The following PXMP4 variants were observed in gnomAD, a reference collection of about 807,000 sequenced individuals.
PXMP4 encodes the protein peroxisomal membrane protein 4.
Under a neutral mutation model 21.6 loss-of-function variants are expected in PXMP4, and 16 were observed. The ratio of observed to expected loss-of-function variants is 0.74; its 90% CI spans 0.50 to 1.13. The LOEUF is 1.13. PXMP4 is among the 50% of genes most tolerant of loss of function. PXMP4 has a pLI of 0.00. For missense variants in PXMP4, 240 were observed against 277.7 expected (o/e 0.86, Z 0.96); for synonymous variants, 127 against 123.8 (o/e 1.03, Z -0.17).
rs2018250484 is a variant in PXMP4, at chr20:33,705,680, C to T, written c.*2026G>A. 6.6e-6 allele frequency: 1 copy of T among 152,098 alleles called. No homozygotes were observed. Among genetic ancestry groups the T allele is most frequent in the African/African-American group, 2.4e-5 (1 of 41,418 alleles). The allele number at this position is 152,098 out of a possible 1,614,324, so 9.4% of individuals were successfully genotyped here. On this transcript the variant is annotated 3_prime_UTR_variant, in exon 4 of 4. Transcript: ENST00000409299. Reference sequence around the variant, plus strand: ...CCTATGTCCCCATCACTCCTCATCGCATAGCACTATGTCATTGTAGGCCCC... The same window carrying T: ...CCTATGTCCCCATCACTCCTCATCGTATAGCACTATGTCATTGTAGGCCCC...
chr20:33,715,834 C>CCAG (rs2018378135), intron 1 of PXMP4, among the ~76,000 whole-genome samples: 1 of 149,552 alleles, frequency 6.7e-6, no homozygotes, highest in Admixed American at 6.8e-5. Context: ...CTCACTGCAG[C>CCAG]CAGTCTCTTT....
rs558147413 is a variant in PXMP4 at position 33,706,118 on chromosome 20, G to T, written c.*1588C>A. 5.3e-5 allele frequency: 8 copies of T among 151,684 alleles called. No homozygotes were observed. The highest frequency in any genetic ancestry group is 2.0e-4 in the Admixed American group (3 of 15,238). The allele number at this position is 151,684 out of a possible 1,614,324, so 9.4% of individuals were successfully genotyped here. ...TTTTTGTATTTTTAGTAGAGATGGG[G>T]TTTTACCATGTTGGCCAGGCTGGTC... On this transcript the variant is annotated 3_prime_UTR_variant, in exon 4 of 4. Coordinates refer to ENST00000409299, the MANE Select transcript of PXMP4 (RefSeq NM_007238.5).
chr20:33,716,887 G>A (rs1024373813), intron 1 of PXMP4, among the ~76,000 whole-genome samples: 2 of 152,126 alleles, frequency 1.3e-5, no homozygotes, highest in African/African-American at 4.8e-5. Flanking sequence ...ATACAAAGAA[G>A]GACCTCAACT....
rs746707723 is a variant in PXMP4, at chr20:33,707,754, G to T, written c.591C>A (p.His197Gln). Residue 197 changes from histidine to glutamine, a missense_variant, in exon 4 of 4, where the codon CAC becomes CAA. Physicochemically the swap from His to Gln is conservative, Grantham distance 24 (BLOSUM62 0). Coordinates refer to ENST00000409299, the MANE Select transcript of PXMP4 (RefSeq NM_007238.5). Reference sequence around the variant, plus strand: ...TATAGACGAGGAAGTCTGAGATGTCGTGCCATACATTGCTGTCCTCATAGA... The same window carrying T: ...TATAGACGAGGAAGTCTGAGATGTCTTGCCATACATTGCTGTCCTCATAGA... ...TYLYEDSNVW[H>Q]DISDFLVYNK... 2.5e-6 allele frequency: 4 copies of T among 1,614,106 alleles called. No homozygotes were observed. The highest frequency in any genetic ancestry group is 3.4e-6 in the Non-Finnish European group (4 of 1,180,016).
chr20:33,719,857 G>A (rs1483419764), intron 1 of PXMP4, among the ~76,000 whole-genome samples: 2 of 152,332 alleles, frequency 1.3e-5, no homozygotes, highest in East Asian at 1.9e-4. Flanking sequence ...AAGCAAGAGG[G>A]CCAGGCTGCA....
Position 33,707,547 on chromosome 20 carries a change from C to T in PXMP4, c.*159G>A. On this transcript the variant is annotated 3_prime_UTR_variant, in exon 4 of 4. Coordinates refer to ENST00000409299, the MANE Select transcript of PXMP4 (RefSeq NM_007238.5). ...CACTTGTGCCACCATACAAAGGTACCCACTGGGATTTTAAAATCAGTGTTT... is the reference window on the plus strand; with the variant it reads ...CACTTGTGCCACCATACAAAGGTACTCACTGGGATTTTAAAATCAGTGTTT... 2 of 1,060,912 alleles carry T rather than the reference C, an allele frequency of 1.9e-6. No homozygotes were observed. The highest frequency in any genetic ancestry group is 5.6e-5 in the Admixed American group (2 of 35,542). 65.7% of individuals were successfully genotyped at this position (1,060,912 alleles called of 1,614,324 possible).
chr20:33,712,280 G>T (rs1329956181), intron 2 of PXMP4, among the ~76,000 whole-genome samples: 1 of 152,176 alleles, frequency 6.6e-6, no homozygotes, highest in Non-Finnish European at 1.5e-5. Context: ...CCTTCAAAAT[G>T]TGTCTAGAGA....
chr20:33,713,434 A>C (rs1173552728), intron 2 of PXMP4, among the ~76,000 whole-genome samples: 1 of 152,184 alleles, frequency 6.6e-6, no homozygotes, highest in Non-Finnish European at 1.5e-5. Flanking sequence ...TTAATTCTGC[A>C]ACCTGTCCCC....
chr20:33,713,887 C>T (rs999809841), intron 2 of PXMP4, among the ~76,000 whole-genome samples: 12 of 152,036 alleles, frequency 7.9e-5, no homozygotes, highest in African/African-American at 2.2e-4. Flanking sequence ...GGAAGAGCTA[C>T]GGGAGATGAC....
Position 33,720,086 on chromosome 20 carries a change from C to G in PXMP4, c.113+9G>C. 6.2e-7 allele frequency: 1 copy of G among 1,612,588 alleles called. No homozygotes were observed. Among genetic ancestry groups the G allele is most frequent in the Non-Finnish European group, 8.5e-7 (1 of 1,179,040 alleles). On this transcript the variant is annotated intron_variant, in intron 1 of 3. Transcript: ENST00000409299. The stretch of plus-strand genomic sequence containing the variant: ...CTCAGCCCCAGCCCGGCCCGACGGC[C>G]CCACTCACACAGCCCCGTTCCGGAA...
rs1205532358 is a variant in PXMP4, at chr20:33,706,373, C to T, written c.*1333G>A. 1 of 151,558 alleles carries T rather than the reference C, an allele frequency of 6.6e-6. No homozygotes were observed. The highest frequency in any genetic ancestry group is 1.5e-5 in the Non-Finnish European group (1 of 67,914). 9.4% of individuals were successfully genotyped at this position (151,558 alleles called of 1,614,324 possible). On this transcript the variant is annotated 3_prime_UTR_variant, in exon 4 of 4. Coordinates refer to ENST00000409299, the MANE Select transcript of PXMP4 (RefSeq NM_007238.5). Reference sequence around the variant, plus strand: ...TTGGGAGACTGAGGCAGGAAGATTGCTTGAGGCTAGGAGGTCGAGACTAGC... The same window carrying T: ...TTGGGAGACTGAGGCAGGAAGATTGTTTGAGGCTAGGAGGTCGAGACTAGC...
intron 3 of PXMP4, 143 bp from the exon 4 acceptor site, chr20:33,708,112 G>T (rs1300013891): frequency 1.9e-6 from 2 of 1,042,294 alleles, no homozygotes; most frequent in Non-Finnish European, 2.7e-6. Flanking sequence ...TCTCTTCAAA[G>T]AATCAACTTT....
chr20:33,720,286 C>T lies in PXMP4; in HGVS notation c.-79G>A, dbSNP rs2018438566. The T allele has an allele frequency of 1.5e-6, 2 of 1,311,696 alleles. No homozygotes were observed. The highest frequency in any genetic ancestry group is 4.1e-5 in the Admixed American group (2 of 48,228). The allele number at this position is 1,311,696 out of a possible 1,614,324, so 81.3% of individuals were successfully genotyped here. A position where few individuals can be genotyped will look rare whatever the true frequency, so the allele number is the denominator to read the frequency against. ...GGAGGTTCCAGCTGCGCGCCCACAGCCCCTCGGTAGCGCCGCCGACTCGTG... is the reference window on the plus strand; with the variant it reads ...GGAGGTTCCAGCTGCGCGCCCACAGTCCCTCGGTAGCGCCGCCGACTCGTG... On this transcript the variant is annotated 5_prime_UTR_variant, in exon 1 of 4. Transcript: ENST00000409299.
intron 1 of PXMP4, among the ~76,000 whole-genome samples, chr20:33,717,095 T>C (rs1433802079): frequency 1.3e-5 from 2 of 151,752 alleles, no homozygotes; most frequent in African/African-American, 2.4e-5. Context: ...GGAGAATCTC[T>C]TGAACCCAGG....
intron 1 of PXMP4, among the ~76,000 whole-genome samples, chr20:33,719,266 G>A (rs966946787): frequency 7.2e-5 from 11 of 152,202 alleles, no homozygotes; most frequent in Non-Finnish European, 1.5e-4. Flanking sequence ...CCATTTTACA[G>A]ATATTGAGGC....
chr20:33,710,498 C>A, intron 3 of PXMP4, 57 bp downstream of exon 3: 1 of 1,037,974 alleles, frequency 9.6e-7, no homozygotes, highest in East Asian at 5.8e-5. Context: ...TCTGTCACCC[C>A]CACCTCTGTG....
chr20:33,714,298 C>T (rs770899442), intron 2 of PXMP4, among the ~76,000 whole-genome samples: 13 of 152,048 alleles, frequency 8.5e-5, no homozygotes, highest in Non-Finnish European at 1.6e-4. Flanking sequence ...CTGTGGAAGG[C>T]CCCTGAAGTC....
Position 33,707,389 on chromosome 20 carries a change from G to A in PXMP4, c.*317C>T, listed in dbSNP as rs775868477. The A allele has an allele frequency of 7.0e-6, 2 of 285,016 alleles. No homozygotes were observed. Among genetic ancestry groups the A allele is most frequent in the Non-Finnish European group, 6.6e-6 (1 of 150,478 alleles). The allele number at this position is 285,016 out of a possible 1,614,324, so 17.7% of individuals were successfully genotyped here. A position where few individuals can be genotyped will look rare whatever the true frequency, so the allele number is the denominator to read the frequency against. Reference sequence around the variant, plus strand: ...CAGTTGAAGAATGAACATACCCACCGGAAAGAGACCTCAGGGCCCTCCTCT... The same window carrying A: ...CAGTTGAAGAATGAACATACCCACCAGAAAGAGACCTCAGGGCCCTCCTCT... On this transcript the variant is annotated 3_prime_UTR_variant, in exon 4 of 4. Transcript: ENST00000409299.
chr20:33,713,694 A>C (rs779946658), intron 2 of PXMP4, among the ~76,000 whole-genome samples: 4 of 152,210 alleles, frequency 2.6e-5, no homozygotes, highest in Non-Finnish European at 5.9e-5. Flanking sequence ...TTTTTCAAAA[A>C]ATGACTTGGA....
Sources: allele counts gnomAD v4.1 joint callset (sites outside exome capture counted in the v4.1 genomes callset), GRCh38; gene constraint gnomAD v4.1.1; transcripts MANE v1.5; gene names NCBI Gene and HGNC (gene_info 2026-07-23, HGNC 2026-07-21).